Variants in NUP205 observed in about 807,000 individuals in gnomAD.
NUP205 encodes nucleoporin 205, also known as nuclear pore complex protein Nup205.
A neutral mutation model predicts 253.8 loss-of-function variants in NUP205; 76 were observed. That is an observed-to-expected ratio of 0.30 (90% CI 0.25 to 0.36). The LOEUF (loss-of-function observed/expected upper bound fraction) is 0.36. Ranked by LOEUF, NUP205 falls within the 10% of genes least tolerant of loss-of-function variation. The pLI, the probability that NUP205 is intolerant of heterozygous loss-of-function variation, is 1.00. For synonymous variants in NUP205, 832 were observed against 850.1 expected, an observed-to-expected ratio of 0.98 and a Z score of 0.37; for missense variants, 2,162 against 2,425.5, an observed-to-expected ratio of 0.89 and a Z score of 2.28.
chr7:135,587,700 T>C lies in NUP205; in HGVS notation c.1335+9T>C. 1 of 1,569,670 alleles carries C rather than the reference T, an allele frequency of 6.4e-7. No individual in the cohort carries two copies. The highest frequency in any genetic ancestry group is 8.7e-7 in the Non-Finnish European group (1 of 1,154,770). On this transcript the variant is annotated intron_variant, in intron 9 of 42. Coordinates refer to ENST00000285968, the MANE Select transcript of NUP205 (RefSeq NM_015135.3). ...AACACTTAATGCTTTTGGTAAGCCA[T>C]TATATTAGAAAGCTTGTCCTCTTTC...
intron 35 of NUP205, among the ~76,000 whole-genome samples, chr7:135,634,781 TA>T (rs1261888821): frequency 6.6e-6 from 1 of 152,080 alleles, no homozygotes; most frequent in African/African-American, 2.4e-5. Flanking sequence ...TACCAGATGA[TA>T]GGATTTTCTG....
chr7:135,567,158 ATATATATATATATATATATATATG>A (rs1563108083), intron 1 of NUP205, among the ~76,000 whole-genome samples: 9 of 94,862 alleles, frequency 9.5e-5, no homozygotes, highest in African/African-American at 2.4e-4. Flanking sequence ...ATATATATAT[ATATATATATATATATATATATATG>A]TATATATGGT....
chr7:135,598,077 T>G lies in NUP205; in HGVS notation c.2144T>G (p.Val715Gly). The G allele has an allele frequency of 6.2e-7, 1 of 1,614,152 alleles. No individual in the cohort carries two copies. The highest frequency in any genetic ancestry group is 1.1e-5 in the South Asian group (1 of 91,078). The change falls in exon 15 of 43, where the codon GTG (valine) becomes GGG (glycine). Residue 715 changes from valine to glycine, a missense_variant. Val to Gly is a moderately radical substitution (Grantham distance 109). Around this residue, in one of 5 missense-constraint regions of NUP205, gnomAD observed 892 missense variants for 957.1 expected, o/e 0.93. Coordinates refer to ENST00000285968, the MANE Select transcript of NUP205 (RefSeq NM_015135.3). ...TTTTGCCAGCTTATTAGTACTCTGG[T>G]GGAGAGCTCATTTCCTTCTAATTTG... ...RAFCQLISTL[V>G]ESSFPSNLGA...
intron 8 of NUP205, among the ~76,000 whole-genome samples, chr7:135,586,282 T>C (rs1034794696): frequency 2.0e-5 from 3 of 152,204 alleles, no homozygotes; most frequent in African/African-American, 7.2e-5. Flanking sequence ...GTGATTTTTC[T>C]CTTTAATTCC....
At position 135,626,458 on chromosome 7, in the gene NUP205, C is replaced by T. The variant is rs1794591867; in HGVS notation, c.4793+97C>T. On this transcript the variant is annotated intron_variant, in intron 33 of 42. Transcript: ENST00000285968. ...CATAATTTTGCCGCTTAGCAATTCT[C>T]TTTCATCTTGGTGTGGGTTTTTTTG... 4 of 1,350,344 alleles carry T rather than the reference C, an allele frequency of 3.0e-6. No individual in the cohort carries two copies. In the Admixed American group the frequency reaches 6.7e-5, roughly 23 times the overall value. 83.6% of individuals were successfully genotyped at this position (1,350,344 alleles called of 1,614,324 possible). A position where few individuals can be genotyped will look rare whatever the true frequency, so the allele number is the denominator to read the frequency against.
intron 7 of NUP205, among the ~76,000 whole-genome samples, chr7:135,581,079 A>G (rs1190113021): frequency 2.0e-5 from 3 of 152,128 alleles, no homozygotes; most frequent in Non-Finnish European, 4.4e-5. Flanking sequence ...GTTAATTTGC[A>G]TTTTAAAAAT....
chr7:135,617,469 A>C (rs1339533061), intron 26 of NUP205, 133 bp from the exon 27 acceptor site: 2 of 720,528 alleles, frequency 2.8e-6, no homozygotes, highest in Non-Finnish European at 4.5e-6. Flanking sequence ...GAAATTGGAC[A>C]GTGCTCCTGT....
In NUP205 at chr7:135,588,100, C is replaced by G. The variant is rs979476953; in HGVS notation, c.1473+108C>G. ...TTATTGCTGTTAACACAAATGATCA[C>G]TAGTGTAACCTTTAGAGACTTACAC... On this transcript the variant is annotated intron_variant, in intron 10 of 42. Coordinates refer to ENST00000285968, the MANE Select transcript of NUP205 (RefSeq NM_015135.3). 8.3e-6 allele frequency: 7 copies of G among 844,258 alleles called. No homozygotes were observed. The East Asian group carries it at 8.4e-5, about 10-fold the overall frequency. 52.3% of individuals were successfully genotyped at this position (844,258 alleles called of 1,614,324 possible).
At chr7:135,617,800 A>C (rs980540753) in intron 27 of NUP205, 118 bp downstream of exon 27, 2 of 526,312 alleles carry the variant, frequency 3.8e-6, no homozygotes, top group Non-Finnish European at 6.8e-6. Flanking sequence ...CTAAAAATTA[A>C]ACATTTAGGG....
In NUP205 at chr7:135,587,615, T is replaced by C. The variant is rs1806504790; in HGVS notation, c.1259T>C (p.Met420Thr). ...LRNRADEDAR[M>T]IHMSMQMGNE... is the part of the protein sequence containing the mutation. ...AATCGGGCAGATGAAGATGCTCGAA[T>C]GATTCACATGAGTATGCAGATGGGT... The change falls in exon 9 of 43, where the codon ATG becomes ACG. Residue 420 changes from methionine (M) to threonine (T), a missense_variant. By Grantham distance (81) the Met-to-Thr change is moderately conservative. Coordinates refer to ENST00000285968, the MANE Select transcript of NUP205 (RefSeq NM_015135.3). 6.2e-7 allele frequency: 1 copy of C among 1,608,380 alleles called. No homozygotes were observed. The highest frequency in any genetic ancestry group is 8.5e-7 in the Non-Finnish European group (1 of 1,177,396).
chr7:135,559,784 T>C (rs1805532451), intron 1 of NUP205, among the ~76,000 whole-genome samples: 1 of 151,026 alleles, frequency 6.6e-6, no homozygotes. Context: ...CTCCACCTCC[T>C]GGGTTGGAGC....
chr7:135,644,801 A>G (rs1406622223), intron 39 of NUP205, 94 bp from the exon 40 acceptor site: 5 of 1,202,272 alleles, frequency 4.2e-6, no homozygotes, highest in Admixed American at 2.2e-5. Flanking sequence ...AGTGTTTTTC[A>G]TAGCATTTAT....
chr7:135,596,806 A>AAGAAGG (rs1419273494), intron 13 of NUP205, among the ~76,000 whole-genome samples: 1 of 151,618 alleles, frequency 6.6e-6, no homozygotes, highest in Non-Finnish European at 1.5e-5. Context: ...AAAAAAAAAA[A>AAGAAGG]ATTAGCTGGG....
chr7:135,602,706 T>C (rs1793990362), intron 17 of NUP205, 99 bp from the exon 18 acceptor site: 1 of 969,204 alleles, frequency 1.0e-6, no homozygotes, highest in Non-Finnish European at 1.6e-6. Context: ...TCTCTAGATC[T>C]GAAAATCTAA....
In NUP205 at chr7:135,565,109, T is replaced by C. The variant is rs146652674; in HGVS notation, c.29-5996T>C. On this transcript the variant is annotated intron_variant, in intron 1 of 42. Transcript: ENST00000285968. The stretch of plus-strand genomic sequence containing the variant: ...ATCTTTAATTGGATGCCTACCATTA[T>C]TGGGGGAAAAATTGGATTTTTCTCT... 4.8e-3 allele frequency among the ~76,000 whole-genome samples: 736 copies of C among 152,282 alleles called. 5 individuals carry two copies. The highest frequency in any genetic ancestry group is 0.017 in the African/African-American group (711 of 41,548).
intron 35 of NUP205, among the ~76,000 whole-genome samples, chr7:135,630,879 T>C (rs886862203): frequency 2.0e-5 from 3 of 152,074 alleles, no homozygotes; most frequent in Admixed American, 2.0e-4. Context: ...TCAGCCAAGA[T>C]TATGCCACTG....
At chr7:135,588,116 A>T in intron 10 of NUP205, 124 bp downstream of exon 10, 2 of 656,476 alleles carry the variant, frequency 3.0e-6, no homozygotes, top group South Asian at 9.7e-5. Flanking sequence ...TAACCTTTAG[A>T]GACTTACACT....
At chr7:135,609,045 A>G (rs939793638) in intron 22 of NUP205, among the ~76,000 whole-genome samples, 1 of 148,312 alleles carries the variant, frequency 6.7e-6, no homozygotes, top group East Asian at 2.0e-4. Context: ...CAGAGGTTGC[A>G]GTGAACCTAG....
At chr7:135,582,220 A>G (rs80160867) in intron 7 of NUP205, among the ~76,000 whole-genome samples, 9,447 of 152,104 alleles carry the variant, frequency 0.062, 347 homozygotes, top group South Asian at 0.14. Flanking sequence ...GGGAGGCAGA[A>G]GTTGCAGTGA....
Sources: gnomAD v4.1 joint callset for allele counts (sites outside exome capture counted in the v4.1 genomes callset) on GRCh38, gnomAD v4.1.1 for gene constraint, gnomAD v4.1.1 regional missense constraint, MANE v1.5 for transcripts, NCBI Gene and HGNC (gene_info 2026-07-23, HGNC 2026-07-21) for gene names.